Variants in CCM2 observed in about 807,000 individuals in gnomAD.
CCM2 encodes the protein CCM2 scaffold protein, also known as cerebral cavernous malformations 2 protein.
CCM2 carries 25 observed loss-of-function variants against 44.9 expected under a neutral mutation model. That is an observed-to-expected ratio of 0.56 (90% CI 0.41 to 0.78). The LOEUF (loss-of-function observed/expected upper bound fraction) is 0.78, where lower values mean the gene tolerates loss of function less well. CCM2 is among the 30% of genes least tolerant of loss of function. The pLI, the probability that CCM2 is intolerant of heterozygous loss-of-function variation, is 0.00. For synonymous variants in CCM2, 219 were observed against 241.1 expected, an observed-to-expected ratio of 0.91 and a Z score of 0.85; for missense variants, 481 against 580.6, an observed-to-expected ratio of 0.83 and a Z score of 1.76.
chr7:45,004,849 T>G (rs976798680), intron 1 of CCM2, among the ~76,000 whole-genome samples: 2 of 151,972 alleles, frequency 1.3e-5, no homozygotes, highest in Admixed American at 1.3e-4. Context: ...ATACAAAAAT[T>G]AGCTGAGCGT....
chr7:45,069,831 T>C lies in CCM2; in HGVS notation c.615T>C (p.Ala205=). 2.5e-6 allele frequency: 4 copies of C among 1,614,182 alleles called. No homozygotes were observed. The highest frequency in any genetic ancestry group is 1.1e-5 in the South Asian group (1 of 91,088). The part of the protein sequence containing the change: ...LVILAAESKV[A]AEELCCLLGQ... ...GCTGCTGTCCCCCACTGCAGGTCGC[T>C]GCGGAGGAGCTTTGCTGTCTGCTAG... The change falls in exon 6 of 10, where the codon GCT becomes GCC. Residue 205 remains alanine, a synonymous_variant. Coordinates refer to ENST00000258781, the MANE Select transcript of CCM2 (RefSeq NM_031443.4).
At chr7:45,051,993 A>G (rs1249452624) in intron 2 of CCM2, among the ~76,000 whole-genome samples, 2 of 152,104 alleles carry the variant, frequency 1.3e-5, no homozygotes, top group Non-Finnish European at 2.9e-5. Context: ...GCGTGAGGGT[A>G]TTTTATAGGA....
chr7:45,072,018 C>T (rs536907352), intron 6 of CCM2: 1 of 371,480 alleles, frequency 2.7e-6, no homozygotes, highest in African/African-American at 2.1e-5. Flanking sequence ...TCCCTTTTAT[C>T]TCTCAGCCTC....
chr7:45,042,013 T>C (rs373604983), intron 2 of CCM2, among the ~76,000 whole-genome samples: 52 of 152,282 alleles, frequency 3.4e-4, no homozygotes, highest in Non-Finnish European at 6.5e-4. Context: ...CCGTGGCCCA[T>C]GCCTGTAATC....
intron 1 of CCM2, among the ~76,000 whole-genome samples, chr7:45,003,800 G>T (rs1159448822): frequency 6.6e-6 from 1 of 151,734 alleles, no homozygotes; most frequent in Non-Finnish European, 1.5e-5. Context: ...CTGGTCTTCG[G>T]TTGCCCCACC....
In CCM2 at chr7:45,038,798, AC is replaced by A. The variant is rs113439261; in HGVS notation, c.204+373del. Among the ~76,000 whole-genome samples, 178 of 152,348 alleles carry A rather than the reference AC, an allele frequency of 1.2e-3. 1 individual carries two copies. Among genetic ancestry groups the A allele is most frequent in the African/African-American group, 4.0e-3 (168 of 41,578 alleles). ...TCAAGGCCATGACCTTGCAGGTCTA[AC>A]AGTCACCGCCTAGAATTCAGACCAT... is the stretch of plus-strand genomic sequence containing the variant. On this transcript the variant is annotated intron_variant, in intron 2 of 9. Transcript: ENST00000258781.
intron 1 of CCM2, among the ~76,000 whole-genome samples, chr7:45,033,083 A>AGAG: frequency 7.1e-6 from 1 of 140,376 alleles, no homozygotes; most frequent in African/African-American, 2.6e-5. Context: ...AGCAAAGGCC[A>AGAG]GAGGAGGAAA....
intron 1 of CCM2, among the ~76,000 whole-genome samples, chr7:45,032,309 G>C (rs1180442290): frequency 6.6e-6 from 1 of 152,142 alleles, no homozygotes; most frequent in East Asian, 1.9e-4. Flanking sequence ...AAATGTTCGT[G>C]ATTTGGAGGC....
intron 1 of CCM2, among the ~76,000 whole-genome samples, chr7:45,023,704 A>G (rs1265212646): frequency 6.9e-6 from 1 of 145,900 alleles, no homozygotes; most frequent in Non-Finnish European, 1.5e-5. Flanking sequence ...TATGGTAGGC[A>G]GTGAGATTAC....
chr7:45,027,287 C>G (rs1445741246), intron 1 of CCM2: 1 of 331,394 alleles, frequency 3.0e-6, no homozygotes, highest in African/African-American at 2.1e-5. Context: ...TGGGTCTTCA[C>G]CAACAGCACG....
intron 2 of CCM2, among the ~76,000 whole-genome samples, chr7:45,045,792 A>G (rs1432094337): frequency 6.6e-6 from 1 of 152,246 alleles, no homozygotes; most frequent in African/African-American, 2.4e-5. Context: ...CTTTGCCTCA[A>G]AAAAACAAAA....
At chr7:45,033,753 G>A (rs1272378555) in intron 1 of CCM2, among the ~76,000 whole-genome samples, 4 of 152,146 alleles carry the variant, frequency 2.6e-5, no homozygotes, top group Non-Finnish European at 5.9e-5. Context: ...ACATCATAGG[G>A]CCTGGGAGAA....
At chr7:45,039,993 C>T (rs561086752) in intron 2 of CCM2, among the ~76,000 whole-genome samples, 4 of 151,380 alleles carry the variant, frequency 2.6e-5, no homozygotes, top group African/African-American at 7.3e-5. Context: ...CACCACTGCA[C>T]TCCAGCTTGG....
In CCM2 at chr7:45,027,658, G is replaced by A. The variant is rs373357366; in HGVS notation, c.31-10595G>A. The A allele has an allele frequency of 2.7e-5, 44 of 1,613,388 alleles. No individual in the cohort carries two copies. The South Asian group carries it at 2.7e-4, about 10-fold the overall frequency. On this transcript the variant is annotated intron_variant, in intron 1 of 9. Coordinates refer to ENST00000258781, the MANE Select transcript of CCM2 (RefSeq NM_031443.4). ...CAGTCATGTTTTTTTCAGAGGGAGGGCTAACATCTGGCCATATTTTTCAAC... is the reference window on the plus strand; with the variant it reads ...CAGTCATGTTTTTTTCAGAGGGAGGACTAACATCTGGCCATATTTTTCAAC...
In CCM2 at chr7:45,028,276, G is replaced by A. The variant is rs188419664; in HGVS notation, c.31-9977G>A. Among the ~76,000 whole-genome samples, 15 of 152,364 alleles carry A rather than the reference G, an allele frequency of 9.8e-5. No individual in the cohort carries two copies. In the East Asian group the frequency reaches 2.5e-3, roughly 25 times the overall value. On this transcript the variant is annotated intron_variant, in intron 1 of 9. Coordinates refer to ENST00000258781, the MANE Select transcript of CCM2 (RefSeq NM_031443.4). ...CCAGCATGGATCCTGGCCACCGCCAGTGTGGCCTCCTGTGGGCACTAAGGT... is the reference window on the plus strand; with the variant it reads ...CCAGCATGGATCCTGGCCACCGCCAATGTGGCCTCCTGTGGGCACTAAGGT...
intron 1 of CCM2, among the ~76,000 whole-genome samples, chr7:45,034,003 T>C (rs1307443303): frequency 1.3e-5 from 2 of 152,144 alleles, no homozygotes; most frequent in African/African-American, 2.4e-5. Flanking sequence ...CTCACCATTC[T>C]CCCATGAGAA....
At chr7:45,024,731 A>G (rs1583870265) in intron 1 of CCM2, among the ~76,000 whole-genome samples, 1 of 152,238 alleles carries the variant, frequency 6.6e-6, no homozygotes, top group African/African-American at 2.4e-5. Flanking sequence ...CCCATTTATC[A>G]GGATACATCT....
chr7:45,075,943 C>A lies in CCM2; in HGVS notation c.1221C>A (p.Gly407=), dbSNP rs778326011. The part of the protein sequence containing the change: ...SSTTNGNRAT[G]SSDDRSAPSE... Reference sequence around the variant, plus strand: ...CCACCAATGGGAACAGGGCCACGGGCAGCTCTGATGACCGGTCGGCACCCT... The same window carrying A: ...CCACCAATGGGAACAGGGCCACGGGAAGCTCTGATGACCGGTCGGCACCCT... Residue 407 remains glycine, a synonymous_variant, in exon 10 of 10, where the codon GGC becomes GGA. Coordinates refer to ENST00000258781, the MANE Select transcript of CCM2 (RefSeq NM_031443.4). 21 of 1,613,094 alleles carry A rather than the reference C, an allele frequency of 1.3e-5. No individual in the cohort carries two copies. The South Asian group carries it at 2.1e-4, about 16-fold the overall frequency.
At chr7:45,001,823 T>G (rs910813483) in intron 1 of CCM2, among the ~76,000 whole-genome samples, 1 of 152,200 alleles carries the variant, frequency 6.6e-6, no homozygotes, top group African/African-American at 2.4e-5. Context: ...AGTAAAATTA[T>G]CAAGAATTTT....
Sources: allele counts gnomAD v4.1 joint callset (sites outside exome capture counted in the v4.1 genomes callset), GRCh38; gene constraint gnomAD v4.1.1; transcripts MANE v1.5; gene names NCBI Gene and HGNC (gene_info 2026-07-23, HGNC 2026-07-21).